WAPL: variants seen among roughly 807,000 people sequenced by gnomAD.
The protein encoded by WAPL is wings apart-like protein homolog.
A neutral mutation model predicts 121.0 loss-of-function variants in WAPL; 5 were observed. The ratio of observed to expected loss-of-function variants is 0.04; its 90% confidence interval spans 0.02 to 0.09. The LOEUF (loss-of-function observed/expected upper bound fraction) is 0.09. Among genes scored for constraint, WAPL ranks in the 10% least tolerant of loss-of-function variants. The pLI is 1.00. For synonymous variants in WAPL, 480 were observed against 481.5 expected (o/e 1.00, Z 0.04); for missense variants, 999 against 1,410.8 (o/e 0.71, Z 4.68).
rs1485197156 is a variant in WAPL at position 86,451,927 on chromosome 10, A to G, written c.3114+40T>C. ...ATAAAAGAAATTGGACAAATCCAAC[A>G]AACTGCAGTTATGAGTTTGTTTTTA... On this transcript the variant is annotated intron_variant, in intron 15 of 18. Transcript: ENST00000298767. 4 of 1,603,246 alleles carry G rather than the reference A, an allele frequency of 2.5e-6. No individual in the cohort carries two copies. The African/African-American group carries it at 5.4e-5, about 22-fold the overall frequency.
intron 4 of WAPL, among the ~76,000 whole-genome samples, chr10:86,493,019 C>A (rs560354076): frequency 7.3e-5 from 11 of 151,316 alleles, no homozygotes; most frequent in African/African-American, 2.7e-4. Context: ...AGAGATGGCA[C>A]CACTGCACTC....
chr10:86,489,589 A>G (rs1022927964), intron 4 of WAPL, among the ~76,000 whole-genome samples: 6 of 152,190 alleles, frequency 3.9e-5, no homozygotes, highest in African/African-American at 1.2e-4. Context: ...ACAACAAGGC[A>G]AGAGGGGGGT....
At position 86,446,500 on chromosome 10, in the gene WAPL, T is replaced by C. The variant is rs776529021; in HGVS notation, c.3115-51A>G. 2.6e-6 allele frequency: 4 copies of C among 1,526,568 alleles called. No homozygotes were observed. The Admixed American group carries it at 7.6e-5, about 29-fold the overall frequency. 94.6% of individuals were successfully genotyped at this position (1,526,568 alleles called of 1,614,324 possible). A position where few individuals can be genotyped will look rare whatever the true frequency, so the allele number is the denominator to read the frequency against. On this transcript the variant is annotated intron_variant, in intron 15 of 18. Coordinates refer to ENST00000298767, the MANE Select transcript of WAPL (RefSeq NM_015045.5). Reference sequence around the variant, plus strand: ...ATTAAAAAGAGATTGCCAATCAATATGCATATATGCAAATATAAAGTTATA... The same window carrying C: ...ATTAAAAAGAGATTGCCAATCAATACGCATATATGCAAATATAAAGTTATA...
chr10:86,448,988 G>A (rs1379027069), intron 15 of WAPL, among the ~76,000 whole-genome samples: 1 of 152,094 alleles, frequency 6.6e-6, no homozygotes, highest in Admixed American at 6.5e-5. Context: ...TATTACAAAT[G>A]GTAACGTTTT....
chr10:86,504,043 A>G (rs1271024900), intron 2 of WAPL, among the ~76,000 whole-genome samples: 2 of 152,044 alleles, frequency 1.3e-5, no homozygotes, highest in Non-Finnish European at 2.9e-5. Context: ...GCGTGGTGGC[A>G]CATGCCAGTC....
In WAPL at chr10:86,500,701, T is replaced by C. The variant is rs1286003742; in HGVS notation, c.542A>G (p.His181Arg). The change falls in exon 3 of 19, where the codon CAC (histidine) becomes CGC (arginine). Residue 181 changes from histidine (H) to arginine (R), a missense_variant. Around this residue, in one of 7 missense-constraint regions of WAPL, gnomAD observed 531 missense variants for 563.1 expected, o/e 0.94. Transcript: ENST00000298767. ...GTCATCAGCATTTTTGTGAATATGGTGACTATTCTTTTCATGTTCTTCATG... is the reference window on the plus strand; with the variant it reads ...GTCATCAGCATTTTTGTGAATATGGCGACTATTCTTTTCATGTTCTTCATG... ...NFHEEHEKNS[H>R]HIHKNADDST... 1.3e-6 allele frequency: 2 copies of C among 1,586,288 alleles called. No individual in the cohort carries two copies. Among genetic ancestry groups the C allele is most frequent in the African/African-American group, 2.7e-5 (2 of 73,144 alleles).
At chr10:86,515,740 C>A (rs549897641) in intron 2 of WAPL, among the ~76,000 whole-genome samples, 1 of 152,024 alleles carries the variant, frequency 6.6e-6, no homozygotes, top group South Asian at 2.1e-4. Flanking sequence ...CAAGACTGCG[C>A]CACTGTACTA....
At chr10:86,463,943 T>C (rs1262858535) in intron 9 of WAPL, among the ~76,000 whole-genome samples, 1 of 152,188 alleles carries the variant, frequency 6.6e-6, no homozygotes, top group Non-Finnish European at 1.5e-5. Context: ...TCTAGATGTG[T>C]GGCAGGTTAT....
Position 86,521,379 on chromosome 10 carries a change from G to T in WAPL, c.-37C>A. ...ACCTCACTTACCCTCGGAGCCTGGC[G>T]GGTGCTTTGGCCACGGGCCGCCTCC... is the stretch of plus-strand genomic sequence containing the variant. On this transcript the variant is annotated 5_prime_UTR_variant, in exon 1 of 19. Transcript: ENST00000298767. 3.5e-6 allele frequency: 1 copy of T among 284,352 alleles called. No individual in the cohort carries two copies. 17.6% of individuals were successfully genotyped at this position (284,352 alleles called of 1,614,324 possible).
At chr10:86,439,118 G>A (rs1041580580) in intron 17 of WAPL, among the ~76,000 whole-genome samples, 5 of 151,982 alleles carry the variant, frequency 3.3e-5, no homozygotes, top group African/African-American at 7.2e-5. Context: ...TTTTGTTAGC[G>A]GGGGCAAAAA....
chr10:86,507,085 T>C (rs1048306438), intron 2 of WAPL, among the ~76,000 whole-genome samples: 1 of 145,462 alleles, frequency 6.9e-6, no homozygotes, highest in Non-Finnish European at 1.5e-5. Flanking sequence ...AAAAAAGTAG[T>C]GGCCGGGCAT....
intron 2 of WAPL, among the ~76,000 whole-genome samples, chr10:86,504,218 T>C (rs1408414607): frequency 6.6e-6 from 1 of 151,500 alleles, no homozygotes; most frequent in African/African-American, 2.4e-5. Flanking sequence ...AAAGAAGCAA[T>C]TCATTAAAAT....
chr10:86,510,671 T>C (rs1842445034), intron 2 of WAPL, among the ~76,000 whole-genome samples: 1 of 152,216 alleles, frequency 6.6e-6, no homozygotes, highest in Admixed American at 6.5e-5. Context: ...AAGTTCTGCT[T>C]TAGAACAAAA....
Position 86,462,076 on chromosome 10 carries a change from C to A in WAPL, c.2371-789G>T, listed in dbSNP as rs566874459. Among the ~76,000 whole-genome samples the A allele has an allele frequency of 2.6e-5, 4 of 152,328 alleles. No homozygotes were observed. In the South Asian group the frequency reaches 8.3e-4, roughly 32 times the overall value. On this transcript the variant is annotated intron_variant, in intron 9 of 18. Transcript: ENST00000298767. Reference sequence around the variant, plus strand: ...GTACAAAAGCTAAGAGCCACACTCACAACCTGAGTAAAGTTTTTATTGCCC... The same window carrying A: ...GTACAAAAGCTAAGAGCCACACTCAAAACCTGAGTAAAGTTTTTATTGCCC...
At chr10:86,482,442 T>G (rs937467216) in intron 4 of WAPL, among the ~76,000 whole-genome samples, 2 of 152,248 alleles carry the variant, frequency 1.3e-5, no homozygotes, top group African/African-American at 4.8e-5. Flanking sequence ...ATGTTTCCTA[T>G]GCCCGTTTGC....
At chr10:86,454,791 C>T (rs891532090) in intron 12 of WAPL, among the ~76,000 whole-genome samples, 7 of 151,080 alleles carry the variant, frequency 4.6e-5, no homozygotes, top group Non-Finnish European at 1.0e-4. Context: ...AAGTGACGAG[C>T]GTCTCTGCCC....
At chr10:86,518,404 G>A (rs951777340) in intron 1 of WAPL, among the ~76,000 whole-genome samples, 2 of 152,158 alleles carry the variant, frequency 1.3e-5, no homozygotes, top group Admixed American at 1.3e-4. Context: ...AGTTCCAAAT[G>A]AATTAATTTA....
intron 12 of WAPL, among the ~76,000 whole-genome samples, chr10:86,456,301 C>CA (rs1841144365): frequency 6.7e-6 from 1 of 149,626 alleles, no homozygotes; most frequent in South Asian, 2.1e-4. Context: ...AAGGTAATGG[C>CA]AAGAAACTAT....
intron 8 of WAPL, among the ~76,000 whole-genome samples, chr10:86,467,900 G>C (rs533798819): frequency 2.0e-5 from 3 of 151,728 alleles, no homozygotes; most frequent in East Asian, 3.9e-4. Context: ...GGATGGTCTC[G>C]ATCTCCTGAC....
Sources: allele counts gnomAD v4.1 joint callset (sites outside exome capture counted in the v4.1 genomes callset), GRCh38; gene constraint gnomAD v4.1.1; regional missense constraint gnomAD v4.1.1; transcripts MANE v1.5; gene names NCBI Gene and HGNC (gene_info 2026-07-23, HGNC 2026-07-21).